The following ACTR3C variants were observed in gnomAD, a reference collection of about 807,000 sequenced individuals.
ACTR3C encodes the protein actin-related protein 3C.
Under a neutral mutation model 26.3 loss-of-function variants are expected in ACTR3C, and 18 were observed. The ratio of observed to expected loss-of-function variants is 0.68; its 90% CI spans 0.47 to 1.01. The LOEUF (loss-of-function observed/expected upper bound fraction) is 1.01, where lower values mean the gene tolerates loss of function less well. Among genes scored for constraint, ACTR3C ranks in the 50% least tolerant of loss-of-function variants. ACTR3C has a pLI of 0.00. For missense variants in ACTR3C, 184 were observed against 250.7 expected, an observed-to-expected ratio of 0.73 and a Z score of 1.80; for synonymous variants, 55 against 94.5, an observed-to-expected ratio of 0.58 and a Z score of 2.42.
chr7:149,932,921 G>C, the ACTR3C span, among the ~76,000 whole-genome samples: 1 of 151,464 alleles, frequency 6.6e-6, no homozygotes, highest in Non-Finnish European at 1.5e-5. Context: ...CACACTTACG[G>C]GTGGTAGCCA....
the ACTR3C span, among the ~76,000 whole-genome samples, chr7:150,035,031 G>A: frequency 7.0e-6 from 1 of 142,022 alleles, no homozygotes; most frequent in African/African-American, 2.6e-5. Context: ...GGGGAAGAGG[G>A]ACTGGCTCTC....
the ACTR3C span, among the ~76,000 whole-genome samples, chr7:150,026,687 A>G: frequency 3.3e-5 from 5 of 152,126 alleles, no homozygotes; most frequent in African/African-American, 1.2e-4. Flanking sequence ...GATTTTAATG[A>G]AGGAAACTGA....
the ACTR3C span, among the ~76,000 whole-genome samples, chr7:149,923,755 T>C: frequency 7.0e-4 from 107 of 152,068 alleles, no homozygotes; most frequent in Non-Finnish European, 1.0e-3. Context: ...CCCAGCACTT[T>C]AGGAGGCAGG....
At chr7:150,223,675 A>G in the ACTR3C span, among the ~76,000 whole-genome samples, 2 of 152,104 alleles carry the variant, frequency 1.3e-5, no homozygotes, top group Non-Finnish European at 2.9e-5. Context: ...TGATAAATCC[A>G]TTATAAAGTC....
At chr7:150,064,633 ATTGT>A in the ACTR3C span, among the ~76,000 whole-genome samples, 2 of 137,866 alleles carry the variant, frequency 1.5e-5, no homozygotes, top group Admixed American at 7.7e-5. Flanking sequence ...CACTAATCAT[ATTGT>A]TTATTTTCAC....
At chr7:150,047,183 G>A in the ACTR3C span, among the ~76,000 whole-genome samples, 1 of 151,702 alleles carries the variant, frequency 6.6e-6, no homozygotes, top group African/African-American at 2.4e-5. Flanking sequence ...ACACAGGTGG[G>A]AGGGAGAGAA....
chr7:150,034,588 G>T, the ACTR3C span, among the ~76,000 whole-genome samples: 4 of 151,694 alleles, frequency 2.6e-5, no homozygotes, highest in South Asian at 4.2e-4. Context: ...CTGCCCTTAA[G>T]CTCCGGTAGA....
intron 1 of ACTR3C, among the ~76,000 whole-genome samples, chr7:150,310,297 T>C (rs1796192537): frequency 6.6e-6 from 1 of 152,080 alleles, no homozygotes; most frequent in Admixed American, 6.5e-5. Flanking sequence ...CCCCTTACCA[T>C]TCCATTAAAA....
chr7:150,122,700 A>C, the ACTR3C span, among the ~76,000 whole-genome samples: 1 of 152,192 alleles, frequency 6.6e-6, no homozygotes, highest in Admixed American at 6.5e-5. Context: ...AGGATCTAGA[A>C]CTAGAAATAT....
At chr7:150,139,310 G>A in the ACTR3C span, among the ~76,000 whole-genome samples, 2 of 152,148 alleles carry the variant, frequency 1.3e-5, no homozygotes, top group Non-Finnish European at 2.9e-5. Flanking sequence ...CTGTGCCTCT[G>A]CCCACTCTGC....
At chr7:150,236,180 C>T in the ACTR3C span, among the ~76,000 whole-genome samples, 9,045 of 152,114 alleles carry the variant, frequency 0.059, 493 homozygotes, top group African/African-American at 0.14. Context: ...GGGAGAAGCA[C>T]GAATTGAATT....
At chr7:149,898,958 C>T in the ACTR3C span, among the ~76,000 whole-genome samples, 8 of 151,906 alleles carry the variant, frequency 5.3e-5, no homozygotes, top group Non-Finnish European at 1.2e-4. Context: ...ATCTCTAGTA[C>T]AGCACAACAT....
the ACTR3C span, among the ~76,000 whole-genome samples, chr7:149,937,621 A>G: frequency 7.2e-5 from 11 of 152,142 alleles, no homozygotes; most frequent in African/African-American, 2.7e-4. Context: ...GGGTGGGAGA[A>G]CACTGGCTGG....
chr7:150,176,800 T>C, the ACTR3C span, among the ~76,000 whole-genome samples: 2 of 150,976 alleles, frequency 1.3e-5, no homozygotes, highest in African/African-American at 5.0e-5. Flanking sequence ...GGGGATCTTA[T>C]TGAATTCAAT....
At chr7:150,032,764 T>C in the ACTR3C span, among the ~76,000 whole-genome samples, 1 of 152,012 alleles carries the variant, frequency 6.6e-6, no homozygotes, top group African/African-American at 2.4e-5. Context: ...GTTACTTTAG[T>C]AGAGGTAGTG....
the ACTR3C span, among the ~76,000 whole-genome samples, chr7:150,047,427 C>T: frequency 6.6e-6 from 1 of 152,138 alleles, no homozygotes; most frequent in Admixed American, 6.5e-5. Flanking sequence ...CAGACCCGCT[C>T]CCTCCGGGAC....
At chr7:150,226,283 C>G in the ACTR3C span, among the ~76,000 whole-genome samples, 1 of 150,516 alleles carries the variant, frequency 6.6e-6, no homozygotes, top group South Asian at 2.1e-4. Context: ...AACTGCCTTC[C>G]AAAGTTGACA....
the ACTR3C span, among the ~76,000 whole-genome samples, chr7:149,995,748 G>T: frequency 9.5e-4 from 145 of 152,372 alleles, no homozygotes; most frequent in African/African-American, 3.2e-3. Flanking sequence ...ACCTCTGGAG[G>T]GGTGGAAAGG....
At chr7:149,907,474 TCTCTTCTC>T in the ACTR3C span, among the ~76,000 whole-genome samples, 74 of 80,742 alleles carry the variant, frequency 9.2e-4, no homozygotes, top group Non-Finnish European at 5.1e-4. Context: ...TTGCCTCTCT[TCTCTTCTC>T]TCTCTCTCTC....
Sources: allele counts gnomAD v4.1 joint callset (sites outside exome capture counted in the v4.1 genomes callset), GRCh38; gene constraint gnomAD v4.1.1; transcripts MANE v1.5; gene names NCBI Gene and HGNC (gene_info 2026-07-23, HGNC 2026-07-21).